The following OTOGL variants were observed in gnomAD, a reference collection of about 807,000 sequenced individuals.
OTOGL encodes otogelin-like protein.
Under a neutral mutation model 318.5 loss-of-function variants are expected in OTOGL, and 285 were observed. That is an observed-to-expected ratio of 0.89 (90% CI 0.81 to 0.99). OTOGL has a LOEUF of 0.99. Ranked by LOEUF, OTOGL falls within the 50% of genes least tolerant of loss-of-function variation. OTOGL has a pLI of 0.00. For synonymous variants in OTOGL, 987 were observed against 936.5 expected (o/e 1.05, Z -0.99); for missense variants, 2,899 against 2,845.6 (o/e 1.02, Z -0.43).
chr12:80,261,455 A>G (rs1174652872), intron 18 of OTOGL, among the ~76,000 whole-genome samples: 1 of 152,134 alleles, frequency 6.6e-6, no homozygotes, highest in African/African-American at 2.4e-5. Context: ...CGGATCTCAT[A>G]ATGGAAATTG....
At chr12:80,252,388 T>C (rs1881650300) in intron 13 of OTOGL, among the ~76,000 whole-genome samples, 187 bp downstream of exon 13, 1 of 152,206 alleles carries the variant, frequency 6.6e-6, no homozygotes, top group Non-Finnish European at 1.5e-5. Flanking sequence ...AAAGGCTCAT[T>C]ACTTTGTAAA....
chr12:80,219,996 A>G, intron 6 of OTOGL, 84 bp downstream of exon 6: 2 of 995,184 alleles, frequency 2.0e-6, no homozygotes, highest in Non-Finnish European at 3.0e-6. Flanking sequence ...ATGTTCATCC[A>G]TTGGGAGTTG....
chr12:80,279,024 A>G lies in OTOGL; in HGVS notation c.2790-4A>G. 6.4e-7 allele frequency: 1 copy of G among 1,572,132 alleles called. No homozygotes were observed. The highest frequency in any genetic ancestry group is 8.6e-7 in the Non-Finnish European group (1 of 1,163,052). ...GAAAGGTAACTTTTGTTATTTTTTA[A>G]TAGCGTTTGTCGACGAGGAATGTTC... On this transcript the variant is annotated splice_polypyrimidine_tract_variant and splice_region_variant and intron_variant, in intron 25 of 58. Transcript: ENST00000547103.
At chr12:80,283,350 C>T (rs1030282285) in intron 26 of OTOGL, among the ~76,000 whole-genome samples, 1 of 151,902 alleles carries the variant, frequency 6.6e-6, no homozygotes, top group Non-Finnish European at 1.5e-5. Context: ...CTGTCAGCTC[C>T]ATCCCTCATC....
intron 7 of OTOGL, among the ~76,000 whole-genome samples, chr12:80,227,074 A>G (rs1878926284): frequency 6.6e-6 from 1 of 151,920 alleles, no homozygotes; most frequent in Admixed American, 6.6e-5. Flanking sequence ...GGGCTTTTAT[A>G]TTGGAGCTAA....
intron 11 of OTOGL, among the ~76,000 whole-genome samples, chr12:80,240,786 G>A (rs1880310046): frequency 6.6e-6 from 1 of 152,012 alleles, no homozygotes; most frequent in African/African-American, 2.4e-5. Flanking sequence ...TGAACATCTA[G>A]GATAGGTGGT....
At chr12:80,215,226 G>A (rs1295808706) in intron 4 of OTOGL, among the ~76,000 whole-genome samples, 1 of 150,348 alleles carries the variant, frequency 6.7e-6, no homozygotes, top group African/African-American at 2.5e-5. Flanking sequence ...GGAGTGAATG[G>A]CCTGATCTCC....
chr12:80,100,941 A>G (rs547872146), intron 1 of OTOGL, among the ~76,000 whole-genome samples: 1 of 152,064 alleles, frequency 6.6e-6, no homozygotes, highest in African/African-American at 2.4e-5. Context: ...GGCTTAGTAT[A>G]TTAAGGAATT....
At chr12:80,145,461 C>G (rs1490707949) in intron 1 of OTOGL, among the ~76,000 whole-genome samples, 1 of 151,974 alleles carries the variant, frequency 6.6e-6, no homozygotes, top group African/African-American at 2.4e-5. Context: ...GTTACTGTAG[C>G]CTTCTAGTAT....
intron 26 of OTOGL, among the ~76,000 whole-genome samples, chr12:80,294,814 A>C (rs1885273176): frequency 6.6e-6 from 1 of 152,176 alleles, no homozygotes; most frequent in Non-Finnish European, 1.5e-5. Context: ...TCATTAGGCA[A>C]GGTGGCTTAC....
chr12:80,221,956 A>G (rs1372494920), intron 6 of OTOGL, 135 bp from the exon 7 acceptor site: 16 of 888,866 alleles, frequency 1.8e-5, no homozygotes, highest in Non-Finnish European at 2.4e-5. Context: ...ATTTTATGTT[A>G]GTTATTTCTT....
intron 26 of OTOGL, among the ~76,000 whole-genome samples, chr12:80,280,373 G>C (rs915532582): frequency 3.3e-5 from 2 of 59,964 alleles, no homozygotes; most frequent in Non-Finnish European, 8.7e-5. Context: ...CTTTGACAAG[G>C]CCTACATCCA....
At chr12:80,203,444 G>A (rs1876596830) in intron 1 of OTOGL, among the ~76,000 whole-genome samples, 1 of 151,962 alleles carries the variant, frequency 6.6e-6, no homozygotes. Flanking sequence ...GTTATGTTAA[G>A]TAAAATTCAC....
intron 26 of OTOGL, among the ~76,000 whole-genome samples, chr12:80,292,820 A>T (rs1313540282): frequency 6.6e-6 from 1 of 152,252 alleles, no homozygotes; most frequent in Non-Finnish European, 1.5e-5. Context: ...ACACATTCAT[A>T]TAAAAATAAC....
At chr12:80,301,198 A>T (rs892456656) in intron 27 of OTOGL, among the ~76,000 whole-genome samples, 1 of 152,116 alleles carries the variant, frequency 6.6e-6, no homozygotes, top group Admixed American at 6.6e-5. Context: ...AATTTGTCTT[A>T]CTTACTTTGA....
intron 1 of OTOGL, among the ~76,000 whole-genome samples, chr12:80,109,736 G>A (rs1869711727): frequency 6.6e-6 from 1 of 152,176 alleles, no homozygotes; most frequent in African/African-American, 2.4e-5. Flanking sequence ...TGCCTAGAAG[G>A]ATAACTGGAA....
At chr12:80,100,199 C>T (rs1305337437) in intron 1 of OTOGL, among the ~76,000 whole-genome samples, 1 of 152,158 alleles carries the variant, frequency 6.6e-6, no homozygotes, top group African/African-American at 2.4e-5. Context: ...AGTTGCCCAA[C>T]TAGTGGCAAG....
intron 31 of OTOGL, among the ~76,000 whole-genome samples, chr12:80,313,837 C>T (rs1287492004): frequency 6.6e-6 from 1 of 152,000 alleles, no homozygotes; most frequent in African/African-American, 2.4e-5. Context: ...ATATTTTGTT[C>T]TGTGTTTTAT....
Position 80,372,057 on chromosome 12 carries a change from C to T in OTOGL, c.6774C>T (p.Cys2258=). The T allele has an allele frequency of 6.4e-7, 1 of 1,551,106 alleles. No individual in the cohort carries two copies. The highest frequency in any genetic ancestry group is 2.4e-5 in the East Asian group (1 of 41,356). The part of the protein sequence containing the change: ...GIVKLYNEGC[C]KICKREERIC... ...TGAAGCTTTATAATGAAGGCTGTTG[C>T]AAGATCTGTAAGTGAGAGCATATTC... Residue 2258 remains cysteine (C), a synonymous_variant, in exon 57 of 59, where the codon TGC becomes TGT. Coordinates refer to ENST00000547103, the MANE Select transcript of OTOGL (RefSeq NM_001378609.3).
Sources: gnomAD v4.1 joint callset for allele counts (sites outside exome capture counted in the v4.1 genomes callset) on GRCh38, gnomAD v4.1.1 for gene constraint, MANE v1.5 for transcripts, NCBI Gene and HGNC (gene_info 2026-07-23, HGNC 2026-07-21) for gene names.